Variants in ITIH1 observed in about 807,000 individuals in gnomAD.
ITIH1 encodes the protein inter-alpha-trypsin inhibitor heavy chain H1.
In ITIH1, 94 loss-of-function variants were observed where a neutral mutation model predicts 104.6. That is an observed-to-expected ratio of 0.90 (90% CI 0.76 to 1.07). The LOEUF (loss-of-function observed/expected upper bound fraction) is 1.07. ITIH1 is among the 50% of genes least tolerant of loss of function. The pLI, the probability that ITIH1 is intolerant of heterozygous loss-of-function variation, is 0.00. For synonymous variants in ITIH1, 455 were observed against 464.4 expected (o/e 0.98, Z 0.26); for missense variants, 1,193 against 1,181.4 (o/e 1.01, Z -0.14).
Position 52,789,761 on chromosome 3 carries a change from A to G in ITIH1, c.2228A>G (p.Gln743Arg). Reference sequence around the variant, plus strand: ...ATCGCAAACCCTGCCACGGACTTTCAGTTGGAAGTGACTCCTCAGAACATT... The same window carrying G: ...ATCGCAAACCCTGCCACGGACTTTCGGTTGGAAGTGACTCCTCAGAACATT... ...LGIANPATDF[Q>R]LEVTPQNITL... The change falls in exon 19 of 22, where the codon CAG (glutamine) becomes CGG (arginine). Residue 743 changes from glutamine (Q) to arginine (R), a missense_variant. Gln to Arg is a conservative substitution (Grantham distance 43). Transcript: ENST00000273283. 6.2e-7 allele frequency: 1 copy of G among 1,614,210 alleles called. No individual in the cohort carries two copies. Among genetic ancestry groups the G allele is most frequent in the Non-Finnish European group, 8.5e-7 (1 of 1,180,024 alleles).
chr3:52,788,242 C>A lies in ITIH1; in HGVS notation c.2016C>A (p.Asp672Glu), dbSNP rs777237459. ...LPDRVTGVDT[D>E]PHFIIHVPQK... ...ATGCTGTGCCCCCAGTGGACACAGA[C>A]CCTCACTTCATCATCCACGTGCCCC... is the stretch of plus-strand genomic sequence containing the variant. Residue 672 changes from aspartate to glutamate, a missense_variant, in exon 18 of 22, where the codon GAC becomes GAA. Coordinates refer to ENST00000273283, the MANE Select transcript of ITIH1 (RefSeq NM_002215.4). The A allele has an allele frequency of 1.2e-5, 19 of 1,604,914 alleles. No individual in the cohort carries two copies. Among genetic ancestry groups the A allele is most frequent in the Non-Finnish European group, 1.6e-5 (19 of 1,173,100 alleles).
At chr3:52,781,602 C>T (rs1699061021) in intron 6 of ITIH1, among the ~76,000 whole-genome samples, 1 of 152,236 alleles carries the variant, frequency 6.6e-6, no homozygotes, top group Non-Finnish European at 1.5e-5. Flanking sequence ...TTATTTCTCA[C>T]CACAGTATTG....
At chr3:52,787,515 T>G in intron 15 of ITIH1, 77 bp from the exon 16 acceptor site, 1 of 1,563,396 alleles carries the variant, frequency 6.4e-7, no homozygotes, top group South Asian at 1.1e-5. Context: ...AGGCCTGTTG[T>G]GGACAGAGCT....
Position 52,791,546 on chromosome 3 carries a change from G to A in ITIH1, c.2524G>A (p.Val842Met). ...ATTTTTCCACCCCATCGGTTTTGAAGTGTCTGACATCCACCCAGGCTCTGA... is the reference window on the plus strand; with the variant it reads ...ATTTTTCCACCCCATCGGTTTTGAAATGTCTGACATCCACCCAGGCTCTGA... The part of the protein sequence containing the change: ...GQFFHPIGFE[V>M]SDIHPGSDPT... Residue 842 changes from valine (V) to methionine (M), a missense_variant, in exon 21 of 22, where the codon GTG becomes ATG. Coordinates refer to ENST00000273283, the MANE Select transcript of ITIH1 (RefSeq NM_002215.4). The A allele has an allele frequency of 6.2e-7, 1 of 1,614,094 alleles. No homozygotes were observed. Among genetic ancestry groups the A allele is most frequent in the Non-Finnish European group, 8.5e-7 (1 of 1,180,008 alleles).
In ITIH1 at chr3:52,792,042, A is replaced by G; in HGVS notation, c.*131A>G. On this transcript the variant is annotated 3_prime_UTR_variant, in exon 22 of 22. Coordinates refer to ENST00000273283, the MANE Select transcript of ITIH1 (RefSeq NM_002215.4). ...TGTGTCAAAGCACCTCATGCCTTCC[A>G]TTAAAGAGAGGCCGTGTCCACCCTG... The G allele has an allele frequency of 9.3e-7, 1 of 1,077,348 alleles. No homozygotes were observed. The highest frequency in any genetic ancestry group is 1.3e-6 in the Non-Finnish European group (1 of 759,764). The allele number at this position is 1,077,348 out of a possible 1,614,324, so 66.7% of individuals were successfully genotyped here.
chr3:52,785,854 C>T (rs1699183111), intron 12 of ITIH1, among the ~76,000 whole-genome samples: 1 of 152,226 alleles, frequency 6.6e-6, no homozygotes, highest in African/African-American at 2.4e-5. Context: ...ATGGAATAAT[C>T]CATATAATAC....
chr3:52,785,158 G>C lies in ITIH1; in HGVS notation c.1522G>C (p.Glu508Gln). The part of the protein sequence containing the change: ...NHHKQYYEGS[E>Q]IVVAGRIADN... ...CCATAAACAGTACTACGAAGGCTCA[G>C]AGATTGTGGTGGCCGGGCGCATTGC... Residue 508 changes from glutamate (E) to glutamine (Q), a missense_variant, in exon 12 of 22, where the codon GAG becomes CAG. Transcript: ENST00000273283. The C allele has an allele frequency of 6.2e-7, 1 of 1,614,150 alleles. No homozygotes were observed. Among genetic ancestry groups the C allele is most frequent in the Middle Eastern group, 1.6e-4 (1 of 6,062 alleles).
At position 52,786,996 on chromosome 3, in the gene ITIH1, G is replaced by T. The variant is rs770094032; in HGVS notation, c.1785G>T (p.Gln595His). ...CCAACCTGTCATCCCAGGCCCTGCAGATGTCGCTGGACTATGGGTTTGTGA... is the reference window on the plus strand; with the variant it reads ...CCAACCTGTCATCCCAGGCCCTGCATATGTCGCTGGACTATGGGTTTGTGA... ...ERANLSSQAL[Q>H]MSLDYGFVTP... The change falls in exon 14 of 22, where the codon CAG becomes CAT. Residue 595 changes from glutamine (Q) to histidine (H), a missense_variant. By Grantham distance (24) the Gln-to-His change is conservative. Coordinates refer to ENST00000273283, the MANE Select transcript of ITIH1 (RefSeq NM_002215.4). 6.2e-7 allele frequency: 1 copy of T among 1,614,194 alleles called. No individual in the cohort carries two copies. The highest frequency in any genetic ancestry group is 2.2e-5 in the East Asian group (1 of 44,884).
At chr3:52,782,905 C>A in intron 8 of ITIH1, 52 bp from the exon 9 acceptor site, 9 of 1,581,106 alleles carry the variant, frequency 5.7e-6, no homozygotes, top group African/African-American at 2.7e-5. Flanking sequence ...AAGGTGCTGT[C>A]CTGGGGCCAC....
At chr3:52,787,475 G>A in intron 15 of ITIH1, 117 bp from the exon 16 acceptor site, 2 of 1,272,318 alleles carry the variant, frequency 1.6e-6, no homozygotes, top group South Asian at 1.2e-5. Flanking sequence ...CCAGGGGAGG[G>A]CTGAGACCCC....
At position 52,791,979 on chromosome 3, in the gene ITIH1, G is replaced by C. The variant is rs1699373756; in HGVS notation, c.*68G>C. 1 of 1,515,032 alleles carries C rather than the reference G, an allele frequency of 6.6e-7. No homozygotes were observed. Among genetic ancestry groups the C allele is most frequent in the African/African-American group, 1.4e-5 (1 of 72,446 alleles). 93.8% of individuals were successfully genotyped at this position (1,515,032 alleles called of 1,614,324 possible). On this transcript the variant is annotated 3_prime_UTR_variant, in exon 22 of 22. Transcript: ENST00000273283. ...GAGGAGGAGGACGACATCCTGACCT[G>C]CTGCTGAGGCTGTACCTCCTTGACT...
At chr3:52,788,172 C>A (rs990902131) in intron 17 of ITIH1, 60 bp from the exon 18 acceptor site, 5 of 1,520,380 alleles carry the variant, frequency 3.3e-6, no homozygotes, top group Non-Finnish European at 4.5e-6. Context: ...TGAACCCCAA[C>A]CCCTGGCCAG....
intron 12 of ITIH1, 23 bp downstream of exon 12, chr3:52,785,252 T>C (rs1559463728): frequency 1.2e-6 from 2 of 1,610,974 alleles, no homozygotes; most frequent in Non-Finnish European, 1.7e-6. Context: ...CCATGGAGGG[T>C]GGAGAGGCCA....
Position 52,779,289 on chromosome 3 carries a change from T to A in ITIH1, c.411-143T>A. On this transcript the variant is annotated intron_variant, in intron 4 of 21. Transcript: ENST00000273283. This position sits in a 1 kb window ranked among gnomAD's most constrained non-coding sequence, Gnocchi z 4.4. ...TGGGCCCTGACCCTGACCAGCCAGC[T>A]AACACATTTGTGAGGTCCAGGGAAA... 1.1e-6 allele frequency: 1 copy of A among 943,496 alleles called. No individual in the cohort carries two copies. The highest frequency in any genetic ancestry group is 2.6e-5 in the East Asian group (1 of 38,432). 58.4% of individuals were successfully genotyped at this position (943,496 alleles called of 1,614,324 possible).
Position 52,779,365 on chromosome 3 carries a change from A to G in ITIH1, c.411-67A>G. 1 of 1,491,266 alleles carries G rather than the reference A, an allele frequency of 6.7e-7. No homozygotes were observed. The highest frequency in any genetic ancestry group is 9.4e-7 in the Non-Finnish European group (1 of 1,068,480). The allele number at this position is 1,491,266 out of a possible 1,614,324, so 92.4% of individuals were successfully genotyped here. ...AAATAAATTCTGTGGGCCACATGTT[A>G]GGTGACAAGGACCCAAATGTCATTT... is the stretch of plus-strand genomic sequence containing the variant. On this transcript the variant is annotated intron_variant, in intron 4 of 21. Coordinates refer to ENST00000273283, the MANE Select transcript of ITIH1 (RefSeq NM_002215.4). This position sits in a 1 kb window ranked among gnomAD's most constrained non-coding sequence, Gnocchi z 4.4.
intron 12 of ITIH1, among the ~76,000 whole-genome samples, chr3:52,786,092 C>T (rs947179073): frequency 2.0e-5 from 3 of 152,138 alleles, no homozygotes; most frequent in African/African-American, 7.2e-5. Flanking sequence ...CATGGGATCC[C>T]TAGGGTCCAG....
At chr3:52,780,866 T>C (rs1699017636) in intron 6 of ITIH1, among the ~76,000 whole-genome samples, 1 of 152,218 alleles carries the variant, frequency 6.6e-6, no homozygotes, top group Admixed American at 6.5e-5. Context: ...AGCCCCTGGC[T>C]CACCCCCACC....
chr3:52,787,967 C>A lies in ITIH1; in HGVS notation c.1925-19C>A. ...GGCCTGGCTGCCCCGCTTCTAAATG[C>A]CACTCCCCCTCCCATCAGCGTTCGT... is the stretch of plus-strand genomic sequence containing the variant. On this transcript the variant is annotated intron_variant, in intron 16 of 21. Coordinates refer to ENST00000273283, the MANE Select transcript of ITIH1 (RefSeq NM_002215.4). The A allele has an allele frequency of 6.3e-7, 1 of 1,589,528 alleles. No homozygotes were observed. Among genetic ancestry groups the A allele is most frequent in the Non-Finnish European group, 8.6e-7 (1 of 1,164,618 alleles).
intron 20 of ITIH1, 40 bp downstream of exon 20, chr3:52,790,961 T>C: frequency 6.4e-7 from 1 of 1,568,118 alleles, no homozygotes; most frequent in Non-Finnish European, 8.6e-7. Context: ...GGGAAGGGTG[T>C]TGAAGCCAGA....
Sources: gnomAD v4.1 joint callset for allele counts (sites outside exome capture counted in the v4.1 genomes callset) on GRCh38, gnomAD v4.1.1 for gene constraint, Gnocchi (gnomAD v3.1) non-coding constraint, MANE v1.5 for transcripts, NCBI Gene and HGNC (gene_info 2026-07-23, HGNC 2026-07-21) for gene names.